Variants in USP34 observed in about 807,000 individuals in gnomAD.
USP34 encodes ubiquitin carboxyl-terminal hydrolase 34.
USP34 carries 70 observed loss-of-function variants against 460.3 expected under a neutral mutation model. The observed-to-expected ratio is 0.15, with a 90% CI of 0.13 to 0.19. The LOEUF (loss-of-function observed/expected upper bound fraction) is 0.19. Among genes scored for constraint, USP34 ranks in the 10% least tolerant of loss-of-function variants. USP34 has a pLI of 1.00. For missense variants in USP34, 3,985 were observed against 4,236.2 expected, an observed-to-expected ratio of 0.94 and a Z score of 1.65; for synonymous variants, 1,647 against 1,405.3, an observed-to-expected ratio of 1.17 and a Z score of -3.85.
intron 3 of USP34, among the ~76,000 whole-genome samples, chr2:61,398,364 G>C (rs1255620734): frequency 6.6e-6 from 1 of 150,402 alleles, no homozygotes; most frequent in Non-Finnish European, 1.5e-5. Flanking sequence ...GAGACCTGGT[G>C]AAAGAGAAGG....
At chr2:61,436,139 G>C (rs1287867999) in intron 1 of USP34, among the ~76,000 whole-genome samples, 1 of 151,910 alleles carries the variant, frequency 6.6e-6, no homozygotes, top group African/African-American at 2.4e-5. Context: ...ACAGAGCCTG[G>C]CCAACATGAC....
At chr2:61,280,089 G>C (rs566723397) in intron 39 of USP34, among the ~76,000 whole-genome samples, 155 bp downstream of exon 39, 1 of 152,256 alleles carries the variant, frequency 6.6e-6, no homozygotes, top group Admixed American at 6.5e-5. Context: ...ATTAGAAGAA[G>C]GTGGAAAAGC....
At position 61,329,183 on chromosome 2, in the gene USP34, G is replaced by GA. The variant is rs879518136; in HGVS notation, c.2930+2092_2930+2093insT. Reference sequence around the variant, plus strand: ...ATTACAGGCATGCGCCACCACGCCTGCCTTTTTTTTTTTTGTATTTTTAGT... The same window carrying GA: ...ATTACAGGCATGCGCCACCACGCCTGACCTTTTTTTTTTTTGTATTTTTAGT... On this transcript the variant is annotated intron_variant, in intron 20 of 79. Transcript: ENST00000398571. Among the ~76,000 whole-genome samples the GA allele has an allele frequency of 1.1e-3, 162 of 149,670 alleles. 1 individual carries two copies. The highest frequency in any genetic ancestry group is 3.5e-3 in the Middle Eastern group (1 of 284).
chr2:61,399,843 A>G (rs923212224), intron 3 of USP34, among the ~76,000 whole-genome samples: 1 of 137,170 alleles, frequency 7.3e-6, no homozygotes, highest in Admixed American at 9.0e-5. Context: ...ACTGCACTCC[A>G]GCCTCGGCAA....
At chr2:61,377,417 A>G (rs1692830107) in intron 8 of USP34, among the ~76,000 whole-genome samples, 1 of 152,132 alleles carries the variant, frequency 6.6e-6, no homozygotes. Context: ...GAATACATAT[A>G]TTTCTCAGAA....
chr2:61,241,479 A>AC, intron 53 of USP34, 81 bp downstream of exon 53: 1 of 984,318 alleles, frequency 1.0e-6, no homozygotes, highest in Non-Finnish European at 1.5e-6. Context: ...AACCTGTAGA[A>AC]CCTGTTCTTA....
intron 10 of USP34, among the ~76,000 whole-genome samples, chr2:61,354,229 C>G (rs1192480437): frequency 1.3e-5 from 2 of 152,052 alleles, no homozygotes; most frequent in South Asian, 4.1e-4. Flanking sequence ...ATGTAGGAAG[C>G]CAAAGACGAA....
intron 75 of USP34, among the ~76,000 whole-genome samples, chr2:61,198,022 G>C (rs138732052): frequency 6.6e-6 from 1 of 152,196 alleles, no homozygotes; most frequent in Non-Finnish European, 1.5e-5. Flanking sequence ...GCCTCCCAAA[G>C]TGCTGGGATT....
intron 27 of USP34, among the ~76,000 whole-genome samples, chr2:61,301,998 G>A (rs1690241801): frequency 6.6e-6 from 1 of 152,102 alleles, no homozygotes. Flanking sequence ...AAGAAAAAAA[G>A]GAAAGGGAAA....
At chr2:61,290,591 A>T (rs1478665508) in intron 33 of USP34, among the ~76,000 whole-genome samples, 1 of 152,148 alleles carries the variant, frequency 6.6e-6, no homozygotes, top group Non-Finnish European at 1.5e-5. Flanking sequence ...ATTACATGAA[A>T]TTTTATAAAA....
At chr2:61,211,570 C>A (rs1687273638) in intron 69 of USP34, among the ~76,000 whole-genome samples, 1 of 152,168 alleles carries the variant, frequency 6.6e-6, no homozygotes, top group East Asian at 1.9e-4. Context: ...TCCCTTCAAC[C>A]CTAAAATGAT....
intron 16 of USP34, among the ~76,000 whole-genome samples, chr2:61,343,425 G>T (rs1263429590): frequency 6.6e-6 from 1 of 151,916 alleles, no homozygotes. Context: ...CTGCAGATTT[G>T]CCTATTCTAG....
chr2:61,380,432 A>C, intron 6 of USP34, 71 bp from the exon 7 acceptor site: 2 of 1,455,056 alleles, frequency 1.4e-6, no homozygotes, highest in East Asian at 2.4e-5. Context: ...CAGTAACTTA[A>C]AATGTACATT....
chr2:61,420,609 A>C, intron 2 of USP34, 137 bp downstream of exon 2: 1 of 481,944 alleles, frequency 2.1e-6, no homozygotes, highest in Non-Finnish European at 3.6e-6. Flanking sequence ...GTAAAGATTT[A>C]ATAAATATTG....
Position 61,311,828 on chromosome 2 carries a change from G to A in USP34, c.3625C>T (p.Leu1209=), listed in dbSNP as rs1165595644. ...HLKALSDKQS[L]PLRVVCQPAG... ...GGCTGGCATACAACCCTTAGCGGCA[G>A]AGACTGTTTGTCACTCAGTGCTTTC... The change falls in exon 26 of 80, where the codon CTG becomes TTG. Residue 1209 remains leucine (L), a synonymous_variant. Coordinates refer to ENST00000398571, the MANE Select transcript of USP34 (RefSeq NM_014709.4). 6 of 1,614,026 alleles carry A rather than the reference G, an allele frequency of 3.7e-6. No homozygotes were observed. The highest frequency in any genetic ancestry group is 4.2e-6 in the Non-Finnish European group (5 of 1,179,940).
chr2:61,349,448 A>C (rs375180696), intron 12 of USP34, among the ~76,000 whole-genome samples, 163 bp from the exon 13 acceptor site: 2 of 152,314 alleles, frequency 1.3e-5, no homozygotes, highest in African/African-American at 4.8e-5. Context: ...GGGTGCCTGC[A>C]CAGAAAAGCC....
At chr2:61,348,734 G>T (rs759826885) in intron 14 of USP34, 22 bp downstream of exon 14, 1 of 1,602,590 alleles carries the variant, frequency 6.2e-7, no homozygotes. Context: ...GCCTATAAAA[G>T]AAGAAAAACC....
chr2:61,280,859 T>G (rs949888094), intron 38 of USP34, among the ~76,000 whole-genome samples: 1 of 152,172 alleles, frequency 6.6e-6, no homozygotes, highest in Non-Finnish European at 1.5e-5. Context: ...ATTTCTAAAA[T>G]AGAGTATCCA....
In USP34 at chr2:61,350,597, C is replaced by T. The variant is rs769321198; in HGVS notation, c.1348G>A (p.Ala450Thr). 2 of 1,613,010 alleles carry T rather than the reference C, an allele frequency of 1.2e-6. No individual in the cohort carries two copies. Among genetic ancestry groups the T allele is most frequent in the Non-Finnish European group, 1.7e-6 (2 of 1,179,800 alleles). ...PLRHLLNLVS[A>T]LEPSVHTEQT... ...TCAGTATGAACACTTGGCTCAAGAG[C>T]TGAGACCAGATTAAGTAGATGTCTA... Residue 450 changes from alanine (A) to threonine (T), a missense_variant, in exon 11 of 80, where the codon GCT (alanine) becomes ACT (threonine). This residue lies in a region of USP34 where 716 missense variants were observed against 626.2 expected (regional missense o/e 1.14). Transcript: ENST00000398571.
Sources: gnomAD v4.1 joint callset for allele counts (sites outside exome capture counted in the v4.1 genomes callset) on GRCh38, gnomAD v4.1.1 for gene constraint, gnomAD v4.1.1 regional missense constraint, MANE v1.5 for transcripts, NCBI Gene and HGNC (gene_info 2026-07-23, HGNC 2026-07-21) for gene names.